Variants in ADCY1 observed in about 807,000 individuals in gnomAD.
The protein encoded by ADCY1 is adenylate cyclase type 1.
In ADCY1, 28 loss-of-function variants were observed where a neutral mutation model predicts 105.4. The ratio of observed to expected loss-of-function variants is 0.27; its 90% CI spans 0.20 to 0.36. ADCY1 has a LOEUF of 0.36. Ranked by LOEUF, ADCY1 falls within the 10% of genes least tolerant of loss-of-function variation. ADCY1 has a pLI of 1.00. For missense variants in ADCY1, 977 were observed against 1,434.2 expected, an observed-to-expected ratio of 0.68 and a Z score of 5.15; for synonymous variants, 655 against 623.8, an observed-to-expected ratio of 1.05 and a Z score of -0.75.
At chr7:45,711,844 ATAT>A (rs1228654685) in intron 19 of ADCY1, among the ~76,000 whole-genome samples, 2 of 131,944 alleles carry the variant, frequency 1.5e-5, no homozygotes, top group African/African-American at 5.7e-5. Flanking sequence ...CAATATTTAA[ATAT>A]TAATATTAAT....
intron 4 of ADCY1, among the ~76,000 whole-genome samples, chr7:45,624,246 G>A (rs1273426866): frequency 6.6e-6 from 1 of 152,014 alleles, no homozygotes; most frequent in African/African-American, 2.4e-5. Context: ...GGTGAGACTT[G>A]CCATGCCTGG....
chr7:45,656,357 A>G (rs1489033543), intron 5 of ADCY1, among the ~76,000 whole-genome samples: 1 of 152,242 alleles, frequency 6.6e-6, no homozygotes, highest in African/African-American at 2.4e-5. Flanking sequence ...TATTAAAGAT[A>G]TATCAGTAGT....
intron 2 of ADCY1, among the ~76,000 whole-genome samples, chr7:45,602,133 G>T (rs1193829495): frequency 1.3e-5 from 2 of 151,878 alleles, no homozygotes; most frequent in African/African-American, 2.4e-5. Flanking sequence ...AAATTGAGGT[G>T]GAGGTGGTCA....
chr7:45,672,111 T>C (rs1784378881), intron 8 of ADCY1, among the ~76,000 whole-genome samples: 1 of 152,238 alleles, frequency 6.6e-6, no homozygotes, highest in Admixed American at 6.5e-5. Context: ...AGTTCATTTT[T>C]TAATAAGGTG....
At chr7:45,624,801 T>C (rs186839588) in intron 4 of ADCY1, among the ~76,000 whole-genome samples, 2 of 152,318 alleles carry the variant, frequency 1.3e-5, no homozygotes, top group Non-Finnish European at 2.9e-5. Flanking sequence ...TGGGAACTTT[T>C]TTCTGGAGGG....
At chr7:45,695,629 T>C (rs2116236501) in intron 14 of ADCY1, among the ~76,000 whole-genome samples, 1 of 152,322 alleles carries the variant, frequency 6.6e-6, no homozygotes, top group Non-Finnish European at 1.5e-5. Flanking sequence ...AGGGTTTCTC[T>C]GAAAGGTTAG....
At chr7:45,702,338 G>A (rs959868596) in intron 14 of ADCY1, among the ~76,000 whole-genome samples, 4 of 152,202 alleles carry the variant, frequency 2.6e-5, no homozygotes, top group African/African-American at 9.7e-5. Flanking sequence ...AGGAAACCAC[G>A]GCACAGTGAG....
chr7:45,589,045 C>G (rs1031866861), intron 1 of ADCY1, among the ~76,000 whole-genome samples: 8 of 152,164 alleles, frequency 5.3e-5, no homozygotes, highest in Non-Finnish European at 1.0e-4. Flanking sequence ...GGAGGTACTA[C>G]AGTTGTCACC....
intron 4 of ADCY1, among the ~76,000 whole-genome samples, 188 bp downstream of exon 4, chr7:45,622,931 C>A (rs1422024544): frequency 2.0e-5 from 3 of 152,206 alleles, no homozygotes; most frequent in African/African-American, 7.2e-5. Flanking sequence ...GAACCGGAGC[C>A]TTGCATTTAC....
chr7:45,673,386 G>A, intron 8 of ADCY1, among the ~76,000 whole-genome samples: 1 of 152,120 alleles, frequency 6.6e-6, no homozygotes, highest in African/African-American at 2.4e-5. Context: ...GCTAGAATTT[G>A]TCAGTGAAAC....
chr7:45,611,278 G>T (rs1793583986), intron 3 of ADCY1, among the ~76,000 whole-genome samples: 1 of 151,944 alleles, frequency 6.6e-6, no homozygotes, highest in Admixed American at 6.6e-5. Flanking sequence ...CATCTGCCTA[G>T]CAGGGAAACA....
chr7:45,690,721 C>A (rs1302437053), intron 14 of ADCY1, among the ~76,000 whole-genome samples: 1 of 152,260 alleles, frequency 6.6e-6, no homozygotes, highest in East Asian at 1.9e-4. Context: ...TTGCTAAAGC[C>A]ACACCAGGTA....
intron 11 of ADCY1, among the ~76,000 whole-genome samples, chr7:45,684,200 TA>T (rs1584329813): frequency 6.6e-6 from 1 of 152,350 alleles, no homozygotes; most frequent in East Asian, 1.9e-4. Flanking sequence ...CCTAGATCCA[TA>T]ACCCACCAGC....
intron 6 of ADCY1, among the ~76,000 whole-genome samples, chr7:45,659,573 C>G (rs1007182070): frequency 3.9e-5 from 6 of 152,158 alleles, no homozygotes; most frequent in African/African-American, 1.4e-4. Flanking sequence ...GCTTCCCACC[C>G]CACCTCATGT....
At chr7:45,677,367 C>T (rs563425225) in intron 8 of ADCY1, among the ~76,000 whole-genome samples, 3 of 152,240 alleles carry the variant, frequency 2.0e-5, no homozygotes, top group South Asian at 4.2e-4. Context: ...GGTGCTTTCT[C>T]GTATCCCTCA....
chr7:45,588,496 C>A (rs1265930473), intron 1 of ADCY1, among the ~76,000 whole-genome samples: 2 of 152,242 alleles, frequency 1.3e-5, no homozygotes, highest in East Asian at 3.8e-4. Context: ...TGTGCACACA[C>A]ATTTCTATAA....
At chr7:45,692,987 C>T (rs549395882) in intron 14 of ADCY1, among the ~76,000 whole-genome samples, 1 of 152,194 alleles carries the variant, frequency 6.6e-6, no homozygotes, top group South Asian at 2.1e-4. Context: ...AGGACATAGT[C>T]CTAAACATTT....
At chr7:45,633,904 T>G (rs1405413550) in intron 4 of ADCY1, among the ~76,000 whole-genome samples, 1 of 152,014 alleles carries the variant, frequency 6.6e-6, no homozygotes, top group Non-Finnish European at 1.5e-5. Flanking sequence ...GATACTAGCC[T>G]ATTTATATGT....
At chr7:45,613,106 T>TAC (rs1793636783) in intron 3 of ADCY1, among the ~76,000 whole-genome samples, 1 of 152,138 alleles carries the variant, frequency 6.6e-6, no homozygotes, top group Non-Finnish European at 1.5e-5. Flanking sequence ...GAGATAAATA[T>TAC]ACGGAAACTG....
Sources: gnomAD v4.1 joint callset for allele counts (sites outside exome capture counted in the v4.1 genomes callset) on GRCh38, gnomAD v4.1.1 for gene constraint, MANE v1.5 for transcripts, NCBI Gene and HGNC (gene_info 2026-07-23, HGNC 2026-07-21) for gene names.